The following MYO3A variants were observed in gnomAD, a reference collection of about 807,000 sequenced individuals.
The protein encoded by MYO3A is myosin IIIA, also known as myosin-IIIa.
MYO3A carries 180 observed loss-of-function variants against 192.7 expected under a neutral mutation model. The ratio of observed to expected loss-of-function variants is 0.93; its 90% confidence interval spans 0.83 to 1.06. The LOEUF is 1.06. Among genes scored for constraint, MYO3A ranks in the 50% least tolerant of loss-of-function variants. MYO3A has a pLI of 0.00. For missense variants in MYO3A, 1,896 were observed against 1,905.0 expected (o/e 1.00, Z 0.09); for synonymous variants, 628 against 645.3 (o/e 0.97, Z 0.41).
chr10:26,051,247 A>T (rs551293340), intron 10 of MYO3A, among the ~76,000 whole-genome samples: 1 of 152,334 alleles, frequency 6.6e-6, no homozygotes, highest in East Asian at 1.9e-4. Flanking sequence ...TACATGAAGG[A>T]TGGTGGTCAG....
intron 6 of MYO3A, among the ~76,000 whole-genome samples, chr10:26,007,530 A>G (rs12260381): frequency 0.026 from 3,964 of 152,216 alleles, 200 homozygotes; most frequent in African/African-American, 0.089. Context: ...CAACTTCAGC[A>G]AAGTCTCAGG....
In MYO3A at chr10:26,111,847, A is replaced by G. The variant is rs149944331; in HGVS notation, c.1777-8829A>G. On this transcript the variant is annotated intron_variant, in intron 17 of 34. Transcript: ENST00000642920. Reference sequence around the variant, plus strand: ...GGGCATCCTTCTAACTGGAAGATGTACAATAAACAAGACAGTGCCTGCTTG... The same window carrying G: ...GGGCATCCTTCTAACTGGAAGATGTGCAATAAACAAGACAGTGCCTGCTTG... Among the ~76,000 whole-genome samples, 406 of 152,328 alleles carry G rather than the reference A, an allele frequency of 2.7e-3. 2 individuals are homozygous for G. Among genetic ancestry groups the G allele is most frequent in the African/African-American group, 9.2e-3 (382 of 41,568 alleles).
At chr10:25,935,049 A>C (rs1027713320) in intron 1 of MYO3A, among the ~76,000 whole-genome samples, 5 of 152,026 alleles carry the variant, frequency 3.3e-5, no homozygotes, top group South Asian at 2.1e-4. Flanking sequence ...GGCGCCGCCC[A>C]CAGGTGGCGC....
chr10:26,180,289 T>G (rs1842559676), intron 31 of MYO3A, among the ~76,000 whole-genome samples: 1 of 152,224 alleles, frequency 6.6e-6, no homozygotes, highest in South Asian at 2.1e-4. Flanking sequence ...GAAACAGTTT[T>G]CAGTAAAATC....
chr10:26,075,603 C>T (rs28888510), intron 14 of MYO3A, among the ~76,000 whole-genome samples: 1 of 127,096 alleles, frequency 7.9e-6, no homozygotes, highest in African/African-American at 2.8e-5. Flanking sequence ...ATATATATGT[C>T]TCTCTCATAT....
chr10:26,120,200 G>C (rs187894659), intron 17 of MYO3A, among the ~76,000 whole-genome samples: 1 of 151,914 alleles, frequency 6.6e-6, no homozygotes, highest in African/African-American at 2.4e-5. Context: ...ACATTTAAAC[G>C]ACACATATCC....
chr10:26,003,264 A>G (rs184590382), intron 6 of MYO3A, among the ~76,000 whole-genome samples: 67 of 152,356 alleles, frequency 4.4e-4, no homozygotes, highest in African/African-American at 1.5e-3. Flanking sequence ...TACTTAGCCT[A>G]TAGCTCAGTG....
chr10:26,063,241 G>T (rs555279969), intron 10 of MYO3A, among the ~76,000 whole-genome samples: 1 of 152,108 alleles, frequency 6.6e-6, no homozygotes, highest in African/African-American at 2.4e-5. Context: ...TGATTGGAGA[G>T]AATTTTTTGT....
At chr10:25,954,359 TC>T (rs1041778327) in intron 3 of MYO3A, among the ~76,000 whole-genome samples, 12 of 152,122 alleles carry the variant, frequency 7.9e-5, no homozygotes, top group Admixed American at 2.6e-4. Flanking sequence ...GACCTTTAGA[TC>T]ACTAAAGGTT....
intron 5 of MYO3A, among the ~76,000 whole-genome samples, chr10:25,996,899 A>T (rs1210580708): frequency 1.3e-5 from 2 of 152,092 alleles, no homozygotes; most frequent in Admixed American, 1.3e-4. Context: ...TATATGAAAT[A>T]TTTTCTTCCA....
intron 6 of MYO3A, among the ~76,000 whole-genome samples, chr10:26,000,382 C>T (rs981921001): frequency 3.9e-5 from 6 of 152,160 alleles, no homozygotes; most frequent in African/African-American, 1.4e-4. Flanking sequence ...CCCAGTGTGC[C>T]TGAGGCATCA....
At position 26,166,048 on chromosome 10, in the gene MYO3A, C is replaced by A. The variant is rs1384159274; in HGVS notation, c.3000-19C>A. ...TGGCACTTTATGCAATACTAACCAG[C>A]CCTTTTTTCCATTCCAAGGTACTAC... On this transcript the variant is annotated intron_variant, in intron 26 of 34. Transcript: ENST00000642920. 15 of 1,600,818 alleles carry A rather than the reference C, an allele frequency of 9.4e-6. No individual in the cohort carries two copies. The highest frequency in any genetic ancestry group is 8.6e-7 in the Non-Finnish European group (1 of 1,167,998).
chr10:26,053,269 T>C (rs1844115417), intron 10 of MYO3A, among the ~76,000 whole-genome samples: 1 of 152,236 alleles, frequency 6.6e-6, no homozygotes, highest in African/African-American at 2.4e-5. Context: ...AATTTGTTTA[T>C]AACCAGAGTG....
At chr10:26,194,242 T>C (rs766462704) in intron 32 of MYO3A, among the ~76,000 whole-genome samples, 2 of 152,198 alleles carry the variant, frequency 1.3e-5, no homozygotes, top group Non-Finnish European at 2.9e-5. Flanking sequence ...ACCATACCTT[T>C]GAGCATGCTC....
chr10:26,045,858 A>G (rs945677959), intron 10 of MYO3A, among the ~76,000 whole-genome samples: 1 of 152,178 alleles, frequency 6.6e-6, no homozygotes, highest in African/African-American at 2.4e-5. Flanking sequence ...AAGGTTGTCC[A>G]TGCTTCATTT....
intron 14 of MYO3A, among the ~76,000 whole-genome samples, chr10:26,081,133 T>TCCCCCCCCTTCCCCCCC (rs1835906244): frequency 2.4e-5 from 2 of 84,940 alleles, no homozygotes; most frequent in Admixed American, 1.2e-4. Flanking sequence ...TATATGCCCT[T>TCCCCCCCCTTCCCCCCC]CCCCCCCCCC....
intron 4 of MYO3A, among the ~76,000 whole-genome samples, chr10:25,964,170 G>T (rs1838118908): frequency 6.6e-6 from 1 of 151,922 alleles, no homozygotes; most frequent in Non-Finnish European, 1.5e-5. Flanking sequence ...TGATTTAGTG[G>T]TTACATGATT....
chr10:26,186,360 G>A (rs1055822189), intron 31 of MYO3A, among the ~76,000 whole-genome samples: 50 of 149,728 alleles, frequency 3.3e-4, no homozygotes, highest in Non-Finnish European at 5.5e-4. Context: ...TCTTCCTCCC[G>A]GGTTCACACC....
chr10:25,996,513 T>G lies in MYO3A; in HGVS notation c.327T>G (p.Thr109=). The G allele has an allele frequency of 3.1e-6, 5 of 1,613,910 alleles. No homozygotes were observed. The highest frequency in any genetic ancestry group is 3.4e-6 in the Non-Finnish European group (4 of 1,179,864). ...VLELCSGGSV[T]DLVKGFLKRG... is the part of the protein sequence containing the mutation. The stretch of plus-strand genomic sequence containing the variant: ...AGCTCTGCAGTGGAGGATCAGTGAC[T>G]GACCTTGTGAAAGGATTTCTGAAGA... The change falls in exon 5 of 35, where the codon ACT becomes ACG. Residue 109 remains threonine (T), a synonymous_variant. Coordinates refer to ENST00000642920, the MANE Select transcript of MYO3A (RefSeq NM_017433.5).
Sources: allele counts gnomAD v4.1 joint callset (sites outside exome capture counted in the v4.1 genomes callset), GRCh38; gene constraint gnomAD v4.1.1; transcripts MANE v1.5; gene names NCBI Gene and HGNC (gene_info 2026-07-23, HGNC 2026-07-21).